The following AFG2B variants were observed in gnomAD, a reference collection of about 807,000 sequenced individuals.
The protein encoded by AFG2B is ATPase family gene 2 protein homolog B.
At chr15:45,412,966 T>C in the AFG2B span, among the ~76,000 whole-genome samples, 3 of 152,230 alleles carry the variant, frequency 2.0e-5, no homozygotes, top group African/African-American at 7.2e-5. Flanking sequence ...ATAATTATAA[T>C]TTATTCATCT....
At chr15:45,413,423 C>G in the AFG2B span, among the ~76,000 whole-genome samples, 5,840 of 152,280 alleles carry the variant, frequency 0.038, 402 homozygotes, top group African/African-American at 0.14. Context: ...GCTCTGCCCC[C>G]ACACTTGGAT....
chr15:45,408,877 A>G, the AFG2B span, among the ~76,000 whole-genome samples: 1 of 152,098 alleles, frequency 6.6e-6, no homozygotes, highest in Non-Finnish European at 1.5e-5. Context: ...GCAGAGCAAG[A>G]CCCTGTCTCA....
the AFG2B span, among the ~76,000 whole-genome samples, chr15:45,419,990 C>G: frequency 1.0e-5 from 1 of 98,588 alleles, no homozygotes; most frequent in African/African-American, 5.0e-5. Context: ...ACTCTGTCCC[C>G]CCCCCCCAAA....
chr15:45,411,225 G>A, the AFG2B span, among the ~76,000 whole-genome samples: 3 of 152,088 alleles, frequency 2.0e-5, no homozygotes, highest in South Asian at 2.1e-4. Flanking sequence ...ATAACCTATA[G>A]TCTTAGCACT....
the AFG2B span, chr15:45,403,486 G>C: frequency 6.2e-7 from 1 of 1,606,714 alleles, no homozygotes; most frequent in East Asian, 2.3e-5. Flanking sequence ...TCTAGACCCA[G>C]CGCTGCGTAG....
chr15:45,415,690 A>G, the AFG2B span: 3 of 1,614,030 alleles, frequency 1.9e-6, no homozygotes, highest in African/African-American at 1.3e-5. Flanking sequence ...TGTGATGTTC[A>G]AGAACGAGTT....
chr15:45,415,527 G>T, the AFG2B span: 142 of 1,161,584 alleles, frequency 1.2e-4, no homozygotes, highest in Non-Finnish European at 1.6e-4. Flanking sequence ...ATTATAAATA[G>T]TAATATCACA....
chr15:45,415,949 C>T, the AFG2B span: 1 of 551,882 alleles, frequency 1.8e-6, no homozygotes. Flanking sequence ...ACTTTTAGAG[C>T]TAATAAAAAT....
the AFG2B span, chr15:45,407,010 G>C: frequency 7.8e-7 from 1 of 1,288,626 alleles, no homozygotes; most frequent in Non-Finnish European, 1.0e-6. Context: ...TTACATTCAG[G>C]ATTTCCTCTG....
the AFG2B span, chr15:45,414,549 T>C: frequency 6.2e-7 from 1 of 1,607,268 alleles, no homozygotes; most frequent in Non-Finnish European, 8.5e-7. Flanking sequence ...AAAACAACTC[T>C]TCTCTTTTTG....
chr15:45,415,795 T>C, the AFG2B span: 3 of 1,608,488 alleles, frequency 1.9e-6, no homozygotes, highest in Non-Finnish European at 2.5e-6. Context: ...TACAAGGAGC[T>C]GAAAAAATGA....
chr15:45,412,543 C>G, the AFG2B span, among the ~76,000 whole-genome samples: 1 of 152,186 alleles, frequency 6.6e-6, no homozygotes, highest in Non-Finnish European at 1.5e-5. Context: ...CAGCTGTAGA[C>G]CATATGTAAA....
the AFG2B span, among the ~76,000 whole-genome samples, chr15:45,405,808 A>G: frequency 6.6e-6 from 1 of 152,108 alleles, no homozygotes; most frequent in African/African-American, 2.4e-5. Flanking sequence ...GAGTTTTTTT[A>G]ATTTGAATTT....
At chr15:45,402,722 GCCT>G in the AFG2B span, 3 of 1,564,278 alleles carry the variant, frequency 1.9e-6, no homozygotes, top group Non-Finnish European at 2.6e-6. Context: ...AGCCTGAATC[GCCT>G]CCTCCTAGTG....
chr15:45,419,997 CAAA>C, the AFG2B span, among the ~76,000 whole-genome samples: 559 of 53,512 alleles, frequency 0.01, 20 homozygotes, highest in Middle Eastern at 0.025. Flanking sequence ...CCCCCCCCCC[CAAA>C]AAAAAAAAAA....
chr15:45,410,846 AG>A, the AFG2B span, among the ~76,000 whole-genome samples: 1 of 152,120 alleles, frequency 6.6e-6, no homozygotes, highest in Non-Finnish European at 1.5e-5. Flanking sequence ...GCTTGAGTTC[AG>A]GAGTTCAAAA....
the AFG2B span, among the ~76,000 whole-genome samples, chr15:45,419,416 C>T: frequency 6.6e-5 from 10 of 151,476 alleles, no homozygotes; most frequent in Non-Finnish European, 1.5e-4. Context: ...AAGATGAGAT[C>T]GTGCCGCTGC....
At chr15:45,402,949 C>T in the AFG2B span, 3 of 1,597,306 alleles carry the variant, frequency 1.9e-6, no homozygotes, top group Non-Finnish European at 2.5e-6. Flanking sequence ...CAGTCCCGAT[C>T]CCGCTGGGCT....
chr15:45,418,479 C>A, the AFG2B span: 1 of 1,426,816 alleles, frequency 7.0e-7, no homozygotes, highest in South Asian at 1.5e-5. Context: ...GAAACTCAAG[C>A]TAAAAATATT....
Sources: allele counts gnomAD v4.1 joint callset (sites outside exome capture counted in the v4.1 genomes callset), GRCh38; gene constraint gnomAD v4.1.1; transcripts MANE v1.5; gene names NCBI Gene and HGNC (gene_info 2026-07-23, HGNC 2026-07-21).